MAN1C1: variants seen among roughly 807,000 people sequenced by gnomAD.
MAN1C1 encodes the protein mannosyl-oligosaccharide 1,2-alpha-mannosidase IC.
A neutral mutation model predicts 71.5 loss-of-function variants in MAN1C1; 49 were observed. The ratio of observed to expected loss-of-function variants is 0.69; its 90% CI spans 0.54 to 0.87. The LOEUF (loss-of-function observed/expected upper bound fraction) is 0.87, where lower values mean the gene tolerates loss of function less well. MAN1C1 is among the 40% of genes least tolerant of loss of function. MAN1C1 has a pLI of 0.00. For missense variants in MAN1C1, 743 were observed against 835.0 expected, an observed-to-expected ratio of 0.89 and a Z score of 1.36; for synonymous variants, 352 against 343.7, an observed-to-expected ratio of 1.02 and a Z score of -0.27.
At chr1:25,707,629 T>C (rs1450121314) in intron 2 of MAN1C1, among the ~76,000 whole-genome samples, 1 of 152,220 alleles carries the variant, frequency 6.6e-6, no homozygotes, top group Non-Finnish European at 1.5e-5. Context: ...AACCAGCCAC[T>C]GGACAGGACT....
chr1:25,664,135 A>C (rs780345761), intron 1 of MAN1C1, among the ~76,000 whole-genome samples: 7 of 152,058 alleles, frequency 4.6e-5, no homozygotes, highest in Admixed American at 4.6e-4. Context: ...ATGGCAGCCC[A>C]TCTGCCCTCC....
intron 1 of MAN1C1, among the ~76,000 whole-genome samples, chr1:25,669,711 T>C (rs2045969665): frequency 6.6e-6 from 1 of 152,210 alleles, no homozygotes; most frequent in Admixed American, 6.5e-5. Context: ...GCCTAGGAGT[T>C]TGAGGCTGCA....
chr1:25,645,475 A>T (rs1284324399), intron 1 of MAN1C1: 3 of 152,230 alleles, frequency 2.0e-5, no homozygotes, highest in Admixed American at 2.0e-4. Context: ...CACACTGAAG[A>T]TTCACAGGCT....
In MAN1C1 at chr1:25,617,326, G is replaced by GCT. The variant is rs1264959625; in HGVS notation, c.-471_-470dup. 1 of 151,908 alleles carries GCT rather than the reference G, an allele frequency of 6.6e-6. No individual in the cohort carries two copies. The highest frequency in any genetic ancestry group is 1.5e-5 in the Non-Finnish European group (1 of 68,016). 9.4% of individuals were successfully genotyped at this position (151,908 alleles called of 1,614,324 possible). A position where few individuals can be genotyped will look rare whatever the true frequency, so the allele number is the denominator to read the frequency against. ...GTCCCCTCCGGAAACTGCTTCTGAA[G>GCT]CTGAAACTTTGGGCGCCTACCAGCG... On this transcript the variant is annotated 5_prime_UTR_variant, in exon 1 of 12. Transcript: ENST00000374332. The surrounding 1 kb of genome is among the most constrained non-coding windows in gnomAD (Gnocchi z 5.1).
intron 2 of MAN1C1, 126 bp downstream of exon 2, chr1:25,686,662 G>A (rs1449595172): frequency 5.4e-6 from 4 of 747,334 alleles, no homozygotes; most frequent in Non-Finnish European, 9.1e-6. Flanking sequence ...CAGATCTGGG[G>A]CCTTCCAAGT....
At position 25,753,419 on chromosome 1, in the gene MAN1C1, G is replaced by A; in HGVS notation, c.835-65G>A. The A allele has an allele frequency of 7.8e-7, 1 of 1,287,330 alleles. No individual in the cohort carries two copies. The allele number at this position is 1,287,330 out of a possible 1,614,324, so 79.7% of individuals were successfully genotyped here. A position where few individuals can be genotyped will look rare whatever the true frequency, so the allele number is the denominator to read the frequency against. On this transcript the variant is annotated intron_variant, in intron 4 of 11. Transcript: ENST00000374332. This position sits in a 1 kb window ranked among gnomAD's most constrained non-coding sequence, Gnocchi z 4.9. ...TGGGGGGTTCATCCTGCCTGCAGCA[G>A]TTCTGGGGTTGACCTTCCCTCACCC...
At position 25,621,750 on chromosome 1, in the gene MAN1C1, C is replaced by T. The variant is rs1282531026; in HGVS notation, c.540+3413C>T. Among the ~76,000 whole-genome samples the T allele has an allele frequency of 2.6e-5, 4 of 152,024 alleles. No homozygotes were observed. In the East Asian group the frequency reaches 7.7e-4, roughly 29 times the overall value. On this transcript the variant is annotated intron_variant, in intron 1 of 11. Transcript: ENST00000374332. ...GGTTCAAGCGATTCTCATGACTCAG[C>T]CTCCCAAGTAACTGGGATTCCAGGC...
At chr1:25,621,664 T>C (rs1159643359) in intron 1 of MAN1C1, among the ~76,000 whole-genome samples, 1 of 152,008 alleles carries the variant, frequency 6.6e-6, no homozygotes, top group African/African-American at 2.4e-5. Flanking sequence ...TGCTCTGTCG[T>C]CGAGGCTGCA....
rs1164458589 is a variant in MAN1C1 at position 25,735,454 on chromosome 1, ATGTG to A, written c.638-11210_638-11207del. Reference sequence around the variant, plus strand: ...TGTATGTATGTGTATGTATATATATATGTGTGTATCTATATATGTGTATGTATAT... The same window carrying A: ...TGTATGTATGTGTATGTATATATATATGTATCTATATATGTGTATGTATAT... On this transcript the variant is annotated intron_variant, in intron 2 of 11. Transcript: ENST00000374332. The surrounding 1 kb of genome is among the most constrained non-coding windows in gnomAD (Gnocchi z 4.6). 6.6e-6 allele frequency among the ~76,000 whole-genome samples: 1 copy of A among 152,062 alleles called. No individual in the cohort carries two copies. The highest frequency in any genetic ancestry group is 1.9e-4 in the East Asian group (1 of 5,192).
chr1:25,739,503 T>A (rs958921207), intron 2 of MAN1C1, among the ~76,000 whole-genome samples: 1 of 151,952 alleles, frequency 6.6e-6, no homozygotes, highest in African/African-American at 2.4e-5. Context: ...CTTCCTGGAG[T>A]TTGTGTTGCC....
At chr1:25,650,043 A>G (rs1017579406) in intron 1 of MAN1C1, among the ~76,000 whole-genome samples, 11 of 151,902 alleles carry the variant, frequency 7.2e-5, no homozygotes, top group Non-Finnish European at 1.2e-4. Flanking sequence ...TGAGTTGCCA[A>G]AGTTGGGGGA....
At chr1:25,657,016 G>A (rs571184116) in intron 1 of MAN1C1, among the ~76,000 whole-genome samples, 3 of 152,158 alleles carry the variant, frequency 2.0e-5, no homozygotes, top group South Asian at 2.1e-4. Flanking sequence ...TCGTAGAGAC[G>A]GGGTTTCACC....
intron 1 of MAN1C1, among the ~76,000 whole-genome samples, chr1:25,621,009 T>C (rs1468790680): frequency 2.0e-5 from 3 of 152,182 alleles, no homozygotes; most frequent in Non-Finnish European, 4.4e-5. Flanking sequence ...AGAACATGGG[T>C]TGGAGTTTCA....
At chr1:25,656,286 C>T (rs1358105417) in intron 1 of MAN1C1, among the ~76,000 whole-genome samples, 3 of 151,512 alleles carry the variant, frequency 2.0e-5, no homozygotes, top group African/African-American at 7.3e-5. Flanking sequence ...TTAATAGAGA[C>T]GGGGTTTTAC....
intron 1 of MAN1C1, among the ~76,000 whole-genome samples, chr1:25,633,147 G>A (rs2045408827): frequency 1.3e-5 from 2 of 152,320 alleles, no homozygotes; most frequent in South Asian, 4.1e-4. Context: ...TTACAGGCAT[G>A]AGCCACTGTG....
chr1:25,728,768 G>A (rs1054332400), intron 2 of MAN1C1, among the ~76,000 whole-genome samples: 4 of 152,148 alleles, frequency 2.6e-5, no homozygotes, highest in African/African-American at 9.7e-5. Context: ...GCTGGGAAAC[G>A]CAGTGCCTGC....
intron 2 of MAN1C1, among the ~76,000 whole-genome samples, chr1:25,688,067 C>T (rs1572150693): frequency 1.3e-5 from 2 of 152,084 alleles, no homozygotes; most frequent in East Asian, 3.8e-4. Flanking sequence ...ATTTAACTAT[C>T]TTGCTAATGT....
chr1:25,777,994 G>T, intron 8 of MAN1C1, 111 bp from the exon 9 acceptor site: 1 of 805,222 alleles, frequency 1.2e-6, no homozygotes, highest in Non-Finnish European at 1.9e-6. Context: ...GGAGGGCTTG[G>T]CAGAGCTGCC....
At position 25,778,341 on chromosome 1, in the gene MAN1C1, A is replaced by T. The variant is rs758684453; in HGVS notation, c.1477+17A>T. The T allele has an allele frequency of 6.3e-7, 1 of 1,595,212 alleles. No homozygotes were observed. The highest frequency in any genetic ancestry group is 8.6e-7 in the Non-Finnish European group (1 of 1,167,964). ...CCCGCTCAGGTAACCCTGCAAGGGG[A>T]AGGGGCAGCAGGAGAGACTGAGGCT... On this transcript the variant is annotated intron_variant, in intron 9 of 11. Transcript: ENST00000374332. The surrounding 1 kb of genome is among the most constrained non-coding windows in gnomAD (Gnocchi z 5.5).
Sources: gnomAD v4.1 joint callset for allele counts (sites outside exome capture counted in the v4.1 genomes callset) on GRCh38, gnomAD v4.1.1 for gene constraint, Gnocchi (gnomAD v3.1) non-coding constraint, MANE v1.5 for transcripts, NCBI Gene and HGNC (gene_info 2026-07-23, HGNC 2026-07-21) for gene names.